AFG2A: variants seen among roughly 807,000 people sequenced by gnomAD.
AFG2A encodes ATPase family gene 2 protein homolog A.
the AFG2A span, among the ~76,000 whole-genome samples, chr4:122,923,829 A>G: frequency 3.9e-4 from 59 of 152,310 alleles, no homozygotes; most frequent in African/African-American, 1.3e-3. Context: ...ACCGATGGGT[A>G]TAGTAATGAC....
chr4:123,022,951 C>G, the AFG2A span, among the ~76,000 whole-genome samples: 5 of 150,362 alleles, frequency 3.3e-5, no homozygotes, highest in African/African-American at 9.8e-5. Context: ...AACCAAACAC[C>G]GCATGTTCTC....
the AFG2A span, among the ~76,000 whole-genome samples, chr4:123,036,656 A>T: frequency 6.6e-6 from 1 of 152,156 alleles, no homozygotes; most frequent in Non-Finnish European, 1.5e-5. Context: ...TACACATTTT[A>T]CAACTTGCCT....
the AFG2A span, among the ~76,000 whole-genome samples, chr4:123,255,420 G>A: frequency 2.6e-5 from 4 of 151,960 alleles, no homozygotes; most frequent in South Asian, 8.3e-4. Flanking sequence ...GGGAGGCTGA[G>A]GCAGGAGAAT....
At chr4:122,984,449 T>C in the AFG2A span, among the ~76,000 whole-genome samples, 7 of 152,190 alleles carry the variant, frequency 4.6e-5, no homozygotes, top group Admixed American at 1.3e-4. Flanking sequence ...CATTTCTTTC[T>C]ATTGTCTGAT....
chr4:122,987,673 A>G, the AFG2A span, among the ~76,000 whole-genome samples: 1 of 152,096 alleles, frequency 6.6e-6, no homozygotes, highest in African/African-American at 2.4e-5. Flanking sequence ...ATAACTTAAC[A>G]TTGGTCCCAC....
chr4:123,027,692 G>C, the AFG2A span, among the ~76,000 whole-genome samples: 1 of 152,196 alleles, frequency 6.6e-6, no homozygotes, highest in African/African-American at 2.4e-5. Flanking sequence ...TGTTCTGGGG[G>C]TATTTCTTAG....
At chr4:123,216,530 A>C in the AFG2A span, among the ~76,000 whole-genome samples, 2 of 152,342 alleles carry the variant, frequency 1.3e-5, no homozygotes, top group African/African-American at 4.8e-5. Context: ...AAAGAAGTTC[A>C]TGCATTTATT....
the AFG2A span, among the ~76,000 whole-genome samples, chr4:123,274,709 T>C: frequency 6.6e-6 from 1 of 152,050 alleles, no homozygotes; most frequent in Non-Finnish European, 1.5e-5. Flanking sequence ...GCCCATATGT[T>C]TTGAGAGGCT....
At chr4:122,974,013 A>G in the AFG2A span, among the ~76,000 whole-genome samples, 2 of 152,020 alleles carry the variant, frequency 1.3e-5, no homozygotes, top group South Asian at 4.1e-4. Context: ...GAAAAATTCC[A>G]TGTTTCTCTT....
chr4:123,305,282 G>A, the AFG2A span, among the ~76,000 whole-genome samples: 93 of 152,234 alleles, frequency 6.1e-4, no homozygotes, highest in South Asian at 0.012. Flanking sequence ...TAGTGGGGAA[G>A]GTCAAGTTAG....
chr4:123,278,993 C>T, the AFG2A span, among the ~76,000 whole-genome samples: 8 of 152,132 alleles, frequency 5.3e-5, no homozygotes, highest in East Asian at 1.9e-4. Context: ...ATATTTCTAA[C>T]GTAAATGGCA....
At chr4:123,224,446 T>C in the AFG2A span, among the ~76,000 whole-genome samples, 1 of 151,428 alleles carries the variant, frequency 6.6e-6, no homozygotes, top group African/African-American at 2.4e-5. Flanking sequence ...CACCTGTGAG[T>C]GAGAACATGC....
the AFG2A span, among the ~76,000 whole-genome samples, chr4:123,203,889 C>T: frequency 1.3e-5 from 2 of 152,292 alleles, no homozygotes; most frequent in Admixed American, 6.5e-5. Flanking sequence ...TATGTCTCAT[C>T]GGGCTAAAAT....
At chr4:123,009,525 T>C in the AFG2A span, among the ~76,000 whole-genome samples, 1 of 152,242 alleles carries the variant, frequency 6.6e-6, no homozygotes, top group African/African-American at 2.4e-5. Flanking sequence ...TTATTTGGAT[T>C]GAATTAGTTT....
chr4:123,282,897 G>A, the AFG2A span, among the ~76,000 whole-genome samples: 1 of 152,162 alleles, frequency 6.6e-6, no homozygotes, highest in East Asian at 1.9e-4. Context: ...CACCTACCAG[G>A]ATGTTTTATA....
At chr4:123,311,991 CT>C in the AFG2A span, among the ~76,000 whole-genome samples, 1 of 152,190 alleles carries the variant, frequency 6.6e-6, no homozygotes, top group Admixed American at 6.5e-5. Context: ...TCCAGGCAGC[CT>C]TTTGGTTACC....
At chr4:123,003,587 C>T in the AFG2A span, among the ~76,000 whole-genome samples, 2 of 152,180 alleles carry the variant, frequency 1.3e-5, no homozygotes, top group Admixed American at 6.5e-5. Flanking sequence ...CCCTGTTTGC[C>T]TGGGTATCAG....
the AFG2A span, among the ~76,000 whole-genome samples, chr4:123,017,360 T>C: frequency 4.5e-5 from 6 of 132,566 alleles, no homozygotes; most frequent in Non-Finnish European, 9.6e-5. Context: ...TTTTGACTTC[T>C]TTTTTTTTTT....
At chr4:123,123,931 G>A in the AFG2A span, among the ~76,000 whole-genome samples, 3 of 118,072 alleles carry the variant, frequency 2.5e-5, no homozygotes, top group South Asian at 3.1e-4. Context: ...CAGCCTGGGC[G>A]ACAGAGTGAA....
Sources: allele counts gnomAD v4.1 joint callset (sites outside exome capture counted in the v4.1 genomes callset), GRCh38; gene constraint gnomAD v4.1.1; transcripts MANE v1.5; gene names NCBI Gene and HGNC (gene_info 2026-07-23, HGNC 2026-07-21).